LILRB1: variants seen among roughly 807,000 people sequenced by gnomAD.
LILRB1 encodes leukocyte immunoglobulin-like receptor subfamily B member 1.
LILRB1 carries 59 observed loss-of-function variants against 74.6 expected under a neutral mutation model. That is an observed-to-expected ratio of 0.79 (90% CI 0.64 to 0.98). LILRB1 has a LOEUF of 0.98. LILRB1 is among the 50% of genes least tolerant of loss of function. The pLI, the probability that LILRB1 is intolerant of heterozygous loss-of-function variation, is 0.00. For missense variants in LILRB1, 804 were observed against 822.6 expected (o/e 0.98, Z 0.28); for synonymous variants, 328 against 333.9 (o/e 0.98, Z 0.19).
intron 1 of LILRB1, among the ~76,000 whole-genome samples, chr19:54,618,216 T>G (rs933400228): frequency 2.0e-5 from 3 of 152,068 alleles, no homozygotes; most frequent in Non-Finnish European, 4.4e-5. Flanking sequence ...GCATGCCTAA[T>G]GCGTCCATGA....
Position 54,625,183 on chromosome 19 carries a change from C to T in LILRB1, c.-165-5334C>T, listed in dbSNP as rs1249117603. 2.8e-5 allele frequency among the ~76,000 whole-genome samples: 4 copies of T among 141,306 alleles called. No homozygotes were observed. In the South Asian group the frequency reaches 1.0e-3, roughly 35 times the overall value. 92.7% of individuals were successfully genotyped at this position (141,306 alleles called of 152,430 possible). A position where few individuals can be genotyped will look rare whatever the true frequency, so the allele number is the denominator to read the frequency against. ...CTTTCAGAGGGCACTGAGCCAGGGC[C>T]ACGGTGTTCGGGTGGGGGCAGGACG... On this transcript the variant is annotated intron_variant, in intron 1 of 15. Coordinates refer to the LILRB1 transcript ENST00000396331.
chr19:54,637,043 C>A lies in LILRB1; in HGVS notation c.*165C>A. ...GCAGTATAAATAACTAATGTCTCTA[C>A]AATTTTGAAATAAAGCAACAGACTT... On this transcript the variant is annotated 3_prime_UTR_variant, in exon 15 of 15. Transcript: ENST00000324602. 1 of 756,630 alleles carries A rather than the reference C, an allele frequency of 1.3e-6. No individual in the cohort carries two copies. The highest frequency in any genetic ancestry group is 2.1e-6 in the Non-Finnish European group (1 of 479,690). The allele number at this position is 756,630 out of a possible 1,614,324, so 46.9% of individuals were successfully genotyped here. A position where few individuals can be genotyped will look rare whatever the true frequency, so the allele number is the denominator to read the frequency against.
chr19:54,637,678 G>C lies in LILRB1; in HGVS notation c.*800G>C, dbSNP rs1276913486. The C allele has an allele frequency of 6.6e-6, 1 of 152,008 alleles. No individual in the cohort carries two copies. The allele number at this position is 152,008 out of a possible 1,614,324, so 9.4% of individuals were successfully genotyped here. On this transcript the variant is annotated 3_prime_UTR_variant, in exon 15 of 15. Coordinates refer to ENST00000324602, the MANE Select transcript of LILRB1 (RefSeq NM_001081637.3). The stretch of plus-strand genomic sequence containing the variant: ...AACCAAAGCTTGAAAATTCAACAAA[G>C]CCAGTGAAGCTCATTCTTGAAAACA...
At chr19:54,628,766 G>C (rs965974633), upstream of LILRB1, among the ~76,000 whole-genome samples, 3 of 152,074 alleles carry the variant, frequency 2.0e-5, no homozygotes, top group African/African-American at 7.2e-5. Context: ...CTCCCACAAG[G>C]AACAGGCTGA....
At chr19:54,634,929 G>A (rs537126990) in intron 10 of LILRB1, 166 bp downstream of exon 10, 4 of 1,456,576 alleles carry the variant, frequency 2.7e-6, no homozygotes, top group East Asian at 4.6e-5. Context: ...AGTGTCCTTC[G>A]GGCTCAGTGC....
rs765935340 is a variant in LILRB1 at position 54,633,638 on chromosome 19, G to C, written c.1262G>C (p.Gly421Ala). 6.2e-7 allele frequency: 1 copy of C among 1,613,366 alleles called. No homozygotes were observed. The highest frequency in any genetic ancestry group is 8.5e-7 in the Non-Finnish European group (1 of 1,179,688). Residue 421 changes from glycine to alanine, a missense_variant and splice_region_variant, in exon 8 of 15, where the codon GGA becomes GCA. Coordinates refer to ENST00000324602, the MANE Select transcript of LILRB1 (RefSeq NM_001081637.3). ...AGCCTCCTCTCATTCTTTTACCCAGGACCGTCTGGGGGCCCCAGCTCCCCG... is the reference window on the plus strand; with the variant it reads ...AGCCTCCTCTCATTCTTTTACCCAGCACCGTCTGGGGGCCCCAGCTCCCCG... ...PSDPLELVVS[G>A]PSGGPSSPTT... is the part of the protein sequence containing the mutation.
At position 54,632,486 on chromosome 19, in the gene LILRB1, C is replaced by G. The variant is rs751757547; in HGVS notation, c.684C>G (p.Leu228=). ...LVLGVSKKPS[L]SVQPGPIVAP... The stretch of plus-strand genomic sequence containing the variant: ...CAGGTGTTTCTAAGAAGCCATCACT[C>G]TCAGTGCAGCCAGGTCCTATCGTGG... Residue 228 remains leucine, a synonymous_variant, in exon 6 of 15, where the codon CTC becomes CTG. Coordinates refer to ENST00000324602, the MANE Select transcript of LILRB1 (RefSeq NM_001081637.3). The G allele has an allele frequency of 3.7e-6, 6 of 1,609,632 alleles. No homozygotes were observed. The African/African-American group carries it at 4.0e-5, about 11-fold the overall frequency.
Position 54,631,530 on chromosome 19 carries a change from A to G in LILRB1, c.101A>G (p.Glu34Gly). 1 of 1,613,908 alleles carries G rather than the reference A, an allele frequency of 6.2e-7. No individual in the cohort carries two copies. Among genetic ancestry groups the G allele is most frequent in the Non-Finnish European group, 8.5e-7 (1 of 1,179,886 alleles). The change falls in exon 4 of 15, where the codon GAA (glutamate) becomes GGA (glycine). Residue 34 changes from glutamate to glycine, a missense_variant. Coordinates refer to ENST00000324602, the MANE Select transcript of LILRB1 (RefSeq NM_001081637.3). ...CTCCCCAAGCCCACCCTCTGGGCTG[A>G]ACCAGGCTCTGTGATCACCCAGGGG... ...GHLPKPTLWAEPGSVITQGSP... is the reference protein window; with the variant it reads ...GHLPKPTLWAGPGSVITQGSP...
chr19:54,634,192 T>G lies in LILRB1; in HGVS notation c.1363+171T>G. The G allele has an allele frequency of 2.0e-6, 3 of 1,502,316 alleles. No individual in the cohort carries two copies. The South Asian group carries it at 4.0e-5, about 20-fold the overall frequency. 93.1% of individuals were successfully genotyped at this position (1,502,316 alleles called of 1,614,324 possible). A position where few individuals can be genotyped will look rare whatever the true frequency, so the allele number is the denominator to read the frequency against. On this transcript the variant is annotated intron_variant, in intron 9 of 14. Coordinates refer to ENST00000324602, the MANE Select transcript of LILRB1 (RefSeq NM_001081637.3). ...AGAGGCCTGCGGGTGGGAAAGTTCC[T>G]TTCAGCTCTGACTCCCAGCTGTGAC...
intron 8 of LILRB1, 108 bp from the exon 9 acceptor site, chr19:54,633,863 G>C: frequency 4.1e-6 from 6 of 1,473,470 alleles, no homozygotes; most frequent in Non-Finnish European, 3.7e-6. Context: ...GGTGAGGGGT[G>C]GGGGGTCAAG....
chr19:54,627,647 C>T (rs1463377732), upstream of LILRB1, among the ~76,000 whole-genome samples: 2 of 152,360 alleles, frequency 1.3e-5, no homozygotes, highest in Admixed American at 6.5e-5. Flanking sequence ...GCAACTCTGG[C>T]TTTGAACCTC....
chr19:54,630,233 C>T (rs1762978985), upstream of LILRB1, among the ~76,000 whole-genome samples: 1 of 150,816 alleles, frequency 6.6e-6, no homozygotes, highest in Non-Finnish European at 1.5e-5. Flanking sequence ...CCCCCAACTC[C>T]CCAAATCAAA....
chr19:54,628,887 G>T (rs572389661), upstream of LILRB1, among the ~76,000 whole-genome samples: 157 of 152,280 alleles, frequency 1.0e-3, no homozygotes, highest in African/African-American at 3.7e-3. Context: ...CCTCCCCTAA[G>T]GCCTAACACA....
intron 10 of LILRB1, 76 bp downstream of exon 10, chr19:54,634,839 C>T: frequency 1.3e-6 from 2 of 1,566,954 alleles, no homozygotes; most frequent in Non-Finnish European, 1.7e-6. Flanking sequence ...ATCCAAACCA[C>T]TGGGCAAATG....
chr19:54,634,463 C>G lies in LILRB1; in HGVS notation c.1364-178C>G, dbSNP rs543569011. 2.7e-5 allele frequency: 41 copies of G among 1,507,318 alleles called. 1 individual carries two copies. In the South Asian group the frequency reaches 2.9e-4, roughly 11 times the overall value. 93.4% of individuals were successfully genotyped at this position (1,507,318 alleles called of 1,614,324 possible). A position where few individuals can be genotyped will look rare whatever the true frequency, so the allele number is the denominator to read the frequency against. On this transcript the variant is annotated intron_variant, in intron 9 of 14. Transcript: ENST00000324602. ...TTCCTGGCTGGGGGCCCCGGGCAGG[C>G]GATTCCCCTCTCTGAGCGTCAGTTT...
intron 12 of LILRB1, 37 bp downstream of exon 12, chr19:54,635,333 A>G: frequency 6.2e-7 from 1 of 1,611,326 alleles, no homozygotes; most frequent in Non-Finnish European, 8.5e-7. Context: ...CAGGAGGGAG[A>G]TGGGGGCCCC....
At chr19:54,627,590 C>T (rs1485344949), upstream of LILRB1, among the ~76,000 whole-genome samples, 7 of 152,202 alleles carry the variant, frequency 4.6e-5, no homozygotes, top group African/African-American at 1.7e-4. Flanking sequence ...AAGATGCTCT[C>T]GAGAAAAAAC....
chr19:54,631,117 G>C lies in LILRB1; in HGVS notation c.34+10G>C, dbSNP rs777551267. On this transcript the variant is annotated intron_variant, in intron 2 of 14. Coordinates refer to ENST00000324602, the MANE Select transcript of LILRB1 (RefSeq NM_001081637.3). ...GTCCTGATCTGTCTCGGTGAGATTT[G>C]AAGAAGGAGGGGAGCTTCTAACCTA... The C allele has an allele frequency of 6.2e-7, 1 of 1,614,066 alleles. No homozygotes were observed. The highest frequency in any genetic ancestry group is 1.3e-5 in the African/African-American group (1 of 75,016).
At chr19:54,632,829 G>A in intron 6 of LILRB1, 69 bp downstream of exon 6, 3 of 1,594,916 alleles carry the variant, frequency 1.9e-6, no homozygotes, top group Admixed American at 1.7e-5. Context: ...AGCTCAGGTA[G>A]TGATGGCCGG....
Sources: allele counts gnomAD v4.1 joint callset (sites outside exome capture counted in the v4.1 genomes callset), GRCh38; gene constraint gnomAD v4.1.1; transcripts MANE v1.5; gene names NCBI Gene and HGNC (gene_info 2026-07-23, HGNC 2026-07-21).